The following TCF12 variants were observed in gnomAD, a reference collection of about 807,000 sequenced individuals.
TCF12 encodes the protein DNA-binding protein HTF4.
TCF12 carries 45 observed loss-of-function variants against 86.0 expected under a neutral mutation model. That is an observed-to-expected ratio of 0.52 (90% CI 0.41 to 0.67). The LOEUF is 0.67. TCF12 is among the 30% of genes least tolerant of loss of function. The pLI is 0.00. For synonymous variants in TCF12, 330 were observed against 299.6 expected (o/e 1.10, Z -1.05); for missense variants, 881 against 859.9 (o/e 1.02, Z -0.31).
At chr15:57,185,204 G>GA (rs2056597916) in intron 6 of TCF12, among the ~76,000 whole-genome samples, 1 of 152,168 alleles carries the variant, frequency 6.6e-6, no homozygotes, top group Non-Finnish European at 1.5e-5. Context: ...GAGGAGTCTG[G>GA]AAAATTACAT....
chr15:56,992,853 A>C (rs1278378751), intron 3 of TCF12, among the ~76,000 whole-genome samples: 1 of 152,160 alleles, frequency 6.6e-6, no homozygotes, highest in African/African-American at 2.4e-5. Context: ...TTTTATAAGG[A>C]TATTTGAGGA....
At chr15:56,946,116 G>A (rs1228664697) in intron 3 of TCF12, among the ~76,000 whole-genome samples, 2 of 151,994 alleles carry the variant, frequency 1.3e-5, no homozygotes, top group African/African-American at 4.8e-5. Flanking sequence ...TCTGTGTATG[G>A]GTGTTTGAGA....
chr15:56,937,151 C>G (rs1364094413), intron 3 of TCF12, among the ~76,000 whole-genome samples: 29 of 152,100 alleles, frequency 1.9e-4, no homozygotes, highest in Admixed American at 1.8e-3. Flanking sequence ...TTTATTTCAG[C>G]ACTGTTTGGT....
intron 3 of TCF12, among the ~76,000 whole-genome samples, chr15:56,990,655 T>G (rs775921927): frequency 1.3e-5 from 2 of 152,226 alleles, no homozygotes; most frequent in Admixed American, 1.3e-4. Context: ...GTAGCATACT[T>G]ACTGCAGAAC....
At chr15:57,219,706 T>G in intron 8 of TCF12, 1 of 820,834 alleles carries the variant, frequency 1.2e-6, no homozygotes, top group Non-Finnish European at 1.8e-6. Flanking sequence ...TGCAATGTAT[T>G]AGATTGTAGA....
chr15:57,233,000 GTATATA>G (rs1252829682), intron 11 of TCF12, 144 bp downstream of exon 11: 13 of 426,128 alleles, frequency 3.1e-5, no homozygotes, highest in African/African-American at 4.3e-5. Context: ...TGTGTTATAT[GTATATA>G]TGTGTTATAT....
chr15:57,153,117 A>G (rs2053881204), intron 5 of TCF12, among the ~76,000 whole-genome samples: 1 of 152,218 alleles, frequency 6.6e-6, no homozygotes, highest in Non-Finnish European at 1.5e-5. Context: ...AAAAGAGGAT[A>G]AAGACTTCTA....
In TCF12 at chr15:57,243,530, G is replaced by A. The variant is rs1325532633; in HGVS notation, c.1094G>A (p.Gly365Glu). The change falls in exon 13 of 21, where the codon GGA (glycine) becomes GAA (glutamate). Residue 365 changes from glycine (G) to glutamate (E), a missense_variant. Transcript: ENST00000333725. ...CCGTCAAATCCATCAACACCAGTTGGATCACCTTCACCTCTCACAGGTAGG... is the reference window on the plus strand; with the variant it reads ...CCGTCAAATCCATCAACACCAGTTGAATCACCTTCACCTCTCACAGGTAGG... ...SFPSNPSTPV[G>E]SPSPLTGTSQ... is the part of the protein sequence containing the mutation. The A allele has an allele frequency of 1.9e-6, 3 of 1,613,770 alleles. No individual in the cohort carries two copies. In the African/African-American group the frequency reaches 4.0e-5, roughly 22 times the overall value.
intron 3 of TCF12, among the ~76,000 whole-genome samples, chr15:57,003,040 G>A (rs2064143234): frequency 6.6e-6 from 1 of 152,140 alleles, no homozygotes; most frequent in South Asian, 2.1e-4. Context: ...TTCTACAAGA[G>A]GAACATGATA....
intron 3 of TCF12, among the ~76,000 whole-genome samples, chr15:57,003,205 G>A (rs1262360287): frequency 6.6e-6 from 1 of 152,168 alleles, no homozygotes; most frequent in Non-Finnish European, 1.5e-5. Context: ...AGTCAAGGTA[G>A]TATGGTCTAT....
intron 2 of TCF12, among the ~76,000 whole-genome samples, chr15:56,920,504 G>GTGTGTGTT (rs1379714560): frequency 2.0e-5 from 3 of 151,542 alleles, no homozygotes; most frequent in Non-Finnish European, 2.9e-5. Context: ...GTGTGTGTGT[G>GTGTGTGTT]TGTGTATTAT....
rs145317694 is a variant in TCF12, at chr15:57,011,954, C to A, written c.149-51796C>A. ...TTTCTTCATGTAATTAATTCATATT[C>A]TAACCTTGCTGCTTGTAATGGTGTG... On this transcript the variant is annotated intron_variant, in intron 3 of 20. Coordinates refer to ENST00000333725, the MANE Select transcript of TCF12 (RefSeq NM_207037.2). Among the ~76,000 whole-genome samples the A allele has an allele frequency of 1.8e-4, 27 of 152,290 alleles. No individual in the cohort carries two copies. The East Asian group carries it at 5.2e-3, about 29-fold the overall frequency.
intron 3 of TCF12, among the ~76,000 whole-genome samples, chr15:57,042,663 C>T (rs1345984559): frequency 6.6e-6 from 1 of 152,130 alleles, no homozygotes; most frequent in Non-Finnish European, 1.5e-5. Flanking sequence ...ACCCTCCTGC[C>T]TCTGTCTCCC....
intron 3 of TCF12, among the ~76,000 whole-genome samples, chr15:56,979,789 A>T (rs549940577): frequency 1.3e-5 from 2 of 152,328 alleles, no homozygotes; most frequent in South Asian, 2.1e-4. Context: ...TATTCCTGCT[A>T]TCTAAATGTT....
At chr15:57,114,928 T>A (rs1319790906) in intron 5 of TCF12, among the ~76,000 whole-genome samples, 21 of 152,190 alleles carry the variant, frequency 1.4e-4, no homozygotes, top group Admixed American at 1.4e-3. Flanking sequence ...ATTTTTTTTT[T>A]TTTGGTAATG....
At chr15:57,014,881 T>G (rs2141197566) in intron 3 of TCF12, among the ~76,000 whole-genome samples, 1 of 147,952 alleles carries the variant, frequency 6.8e-6, no homozygotes, top group South Asian at 2.1e-4. Context: ...ATTATTATTA[T>G]TATTATTATT....
In TCF12 at chr15:56,990,151, C is replaced by CTTTTTTTTT. The variant is rs372235874; in HGVS notation, c.148+69064_148+69072dup. On this transcript the variant is annotated intron_variant, in intron 3 of 20. Transcript: ENST00000333725. ...CATTTATTTTTAGGCATAGTCTTGT[C>CTTTTTTTTT]TTTTTTTTTTTTTTTTTTTGGTAAA... 2.4e-4 allele frequency among the ~76,000 whole-genome samples: 22 copies of CTTTTTTTTT among 92,714 alleles called. 1 individual carries two copies. The highest frequency in any genetic ancestry group is 0.01 in the Middle Eastern group (1 of 98). The allele number at this position is 92,714 out of a possible 152,430, so 60.8% of individuals were successfully genotyped here.
chr15:57,067,141 C>T (rs377616406), intron 4 of TCF12, among the ~76,000 whole-genome samples: 1 of 152,200 alleles, frequency 6.6e-6, no homozygotes, highest in Admixed American at 6.5e-5. Context: ...GAAAAGTAGC[C>T]TCGCAGTTTA....
chr15:57,219,640 C>A, intron 8 of TCF12: 1 of 1,554,022 alleles, frequency 6.4e-7, no homozygotes, highest in Non-Finnish European at 8.9e-7. Flanking sequence ...TAAAGGAAAG[C>A]AGTATACATT....
Sources: allele counts gnomAD v4.1 joint callset (sites outside exome capture counted in the v4.1 genomes callset), GRCh38; gene constraint gnomAD v4.1.1; transcripts MANE v1.5; gene names NCBI Gene and HGNC (gene_info 2026-07-23, HGNC 2026-07-21).